The following C11orf21 variants were observed in gnomAD, a reference collection of about 807,000 sequenced individuals.
The protein encoded by C11orf21 is uncharacterized protein C11orf21.
A neutral mutation model predicts 15.2 loss-of-function variants in C11orf21; 19 were observed. The ratio of observed to expected loss-of-function variants is 1.25; its 90% confidence interval spans 0.87 to 1.84. The LOEUF (loss-of-function observed/expected upper bound fraction) is 1.84. Ranked by LOEUF, C11orf21 falls within the 40% of genes most tolerant of loss-of-function variation. The pLI is 0.00. For synonymous variants in C11orf21, 62 were observed against 66.8 expected (o/e 0.93, Z 0.35); for missense variants, 171 against 174.4 (o/e 0.98, Z 0.11).
At chr11:2,298,927 G>A (rs1302502372) in intron 3 of C11orf21, among the ~76,000 whole-genome samples, 2 of 152,184 alleles carry the variant, frequency 1.3e-5, no homozygotes, top group Non-Finnish European at 2.9e-5. Context: ...GTGCCCACTG[G>A]AGTTGGCCAG....
intron 3 of C11orf21, among the ~76,000 whole-genome samples, chr11:2,298,879 G>T (rs113602284): frequency 6.7e-6 from 1 of 149,340 alleles, no homozygotes; most frequent in Non-Finnish European, 1.5e-5. Flanking sequence ...TGAGGGCAGA[G>T]CCTAGGCTCC....
intron 1 of C11orf21, 173 bp from the exon 2 acceptor site, chr11:2,300,786 AT>A: frequency 6.5e-7 from 1 of 1,550,218 alleles, no homozygotes. Context: ...CGAACCAGAC[AT>A]AGCCAAGAGC....
At chr11:2,302,641 G>C (rs1224768026), upstream of C11orf21, 2 of 593,746 alleles carry the variant, frequency 3.4e-6, no homozygotes, top group African/African-American at 3.7e-5. Flanking sequence ...TCTACCATGT[G>C]GGGGTGCCTG....
upstream of C11orf21, chr11:2,302,744 C>T (rs1589792015): frequency 1.5e-5 from 14 of 929,546 alleles, no homozygotes; most frequent in Non-Finnish European, 2.2e-5. Context: ...TCTCACGGGA[C>T]CGGGAAGCTG....
At chr11:2,302,965 G>A, upstream of C11orf21, 2 of 1,612,234 alleles carry the variant, frequency 1.2e-6, no homozygotes, top group Non-Finnish European at 1.7e-6. Flanking sequence ...TGGGGTAAGT[G>A]AGGTCCAGGC....
chr11:2,301,948 G>A, upstream of C11orf21: 1 of 1,506,774 alleles, frequency 6.6e-7, no homozygotes, highest in Non-Finnish European at 8.9e-7. Flanking sequence ...GGTGGGGGGA[G>A]CCAACCTCAC....
chr11:2,303,001 G>A (rs375038343), upstream of C11orf21: 56 of 1,556,220 alleles, frequency 3.6e-5, no homozygotes, highest in Non-Finnish European at 4.9e-5. Flanking sequence ...GGGGCCTCGG[G>A]TGCAAGGGTG....
intron 3 of C11orf21, 133 bp downstream of exon 3, chr11:2,299,295 G>C: frequency 3.1e-6 from 3 of 970,904 alleles, no homozygotes; most frequent in Non-Finnish European, 4.4e-6. Context: ...GCCCCCACAG[G>C]TCTCTTCAAG....
Position 2,295,681 on chromosome 11 carries a change from T to C in C11orf21, c.*2269A>G, listed in dbSNP as rs1433004405. ...ACACTGTAATAGTGGAGATATGCCA[T>C]TACACATTTGCCCGAACTCACAGCA... On this transcript the variant is annotated 3_prime_UTR_variant, in exon 4 of 4. Transcript: ENST00000381153. This position sits in a 1 kb window ranked among gnomAD's most constrained non-coding sequence, Gnocchi z 5.4. 1 of 152,188 alleles carries C rather than the reference T, an allele frequency of 6.6e-6. No homozygotes were observed. Among genetic ancestry groups the C allele is most frequent in the Admixed American group, 6.5e-5 (1 of 15,282 alleles). 9.4% of individuals were successfully genotyped at this position (152,188 alleles called of 1,614,324 possible). A position where few individuals can be genotyped will look rare whatever the true frequency, so the allele number is the denominator to read the frequency against.
rs926889211 is a variant in C11orf21, at chr11:2,300,627, G to A, written c.54-14C>T. ...CTGGGCACAGCGCTGGTGTGAGAAGGAGGCCATCAGGACAGGTCAAGAACC... is the reference window on the plus strand; with the variant it reads ...CTGGGCACAGCGCTGGTGTGAGAAGAAGGCCATCAGGACAGGTCAAGAACC... On this transcript the variant is annotated splice_polypyrimidine_tract_variant and intron_variant, in intron 1 of 3. Transcript: ENST00000381153. 6.4e-7 allele frequency: 1 copy of A among 1,550,702 alleles called. No individual in the cohort carries two copies. Among genetic ancestry groups the A allele is most frequent in the Non-Finnish European group, 8.7e-7 (1 of 1,146,842 alleles).
upstream of C11orf21, chr11:2,303,019 C>G (rs7106334): frequency 1.6e-5 from 23 of 1,473,072 alleles, no homozygotes; most frequent in African/African-American, 2.8e-4. Context: ...GTGGCTGGCA[C>G]GAGCCCAGCT....
intron 1 of C11orf21, 33 bp downstream of exon 1, chr11:2,301,723 C>G: frequency 6.5e-7 from 1 of 1,527,034 alleles, no homozygotes; most frequent in Non-Finnish European, 8.8e-7. Flanking sequence ...AGGCCCAGTC[C>G]ACACTTGCTC....
In C11orf21 at chr11:2,300,598, C is replaced by T; in HGVS notation, c.69G>A (p.Trp23Ter). 1 of 1,550,290 alleles carries T rather than the reference C, an allele frequency of 6.5e-7. No individual in the cohort carries two copies. The highest frequency in any genetic ancestry group is 1.7e-4 in the Middle Eastern group (1 of 5,984). ...CGCCACTTTGAGATGACAAGTGAGG[C>T]CACCTGGGCACAGCGCTGGTGTGAG... is the stretch of plus-strand genomic sequence containing the variant. The part of the protein sequence containing the change: ...RPGRRSAVPR[W>*]PHLSSQSGVE... Residue 23 changes from tryptophan (W) to a stop codon, truncating the protein, a stop_gained, in exon 2 of 4, where the codon TGG becomes TGA. Transcript: ENST00000381153. LOFTEE classifies it high-confidence loss of function.
chr11:2,297,931 A>G lies in C11orf21; in HGVS notation c.*29-10T>C, dbSNP rs1404469052. 1.3e-5 allele frequency: 2 copies of G among 152,178 alleles called. No homozygotes were observed. The highest frequency in any genetic ancestry group is 2.9e-5 in the Non-Finnish European group (2 of 68,058). 9.4% of individuals were successfully genotyped at this position (152,178 alleles called of 1,614,324 possible). A position where few individuals can be genotyped will look rare whatever the true frequency, so the allele number is the denominator to read the frequency against. On this transcript the variant is annotated splice_polypyrimidine_tract_variant and intron_variant, in intron 3 of 3. Coordinates refer to ENST00000381153, the MANE Select transcript of C11orf21 (RefSeq NM_001329958.2). ...TCTTCATACAGCTGTCCTTCAGTGC[A>G]TGTAAGGAGAGAGAGAGAGAAGAGG...
intron 1 of C11orf21, 197 bp from the exon 2 acceptor site, chr11:2,300,810 C>G (rs1222427248): frequency 6.5e-7 from 1 of 1,543,098 alleles, no homozygotes; most frequent in East Asian, 2.4e-5. Flanking sequence ...CTCATCTTCC[C>G]TGGAGAGGAC....
At chr11:2,302,271 G>T, upstream of C11orf21, 1 of 1,339,312 alleles carries the variant, frequency 7.5e-7, no homozygotes, top group South Asian at 2.2e-5. Flanking sequence ...AGGGGTGAGG[G>T]GTGGCAGGGC....
Position 2,296,266 on chromosome 11 carries a change from C to G in C11orf21, c.*1684G>C, listed in dbSNP as rs80058569. 1,610 of 152,292 alleles carry G rather than the reference C, an allele frequency of 0.011. 19 individuals carry two copies. The highest frequency in any genetic ancestry group is 0.045 in the South Asian group (216 of 4,826). The allele number at this position is 152,292 out of a possible 1,614,324, so 9.4% of individuals were successfully genotyped here. A position where few individuals can be genotyped will look rare whatever the true frequency, so the allele number is the denominator to read the frequency against. On this transcript the variant is annotated 3_prime_UTR_variant, in exon 4 of 4. Transcript: ENST00000381153. This position sits in a 1 kb window ranked among gnomAD's most constrained non-coding sequence, Gnocchi z 5.6. Reference sequence around the variant, plus strand: ...CCTGGCCTTTCCCAGCATAGTAGCCCCCACCCTCAGGTCAGGGAACAAATG... The same window carrying G: ...CCTGGCCTTTCCCAGCATAGTAGCCGCCACCCTCAGGTCAGGGAACAAATG...
intron 3 of C11orf21, among the ~76,000 whole-genome samples, 200 bp downstream of exon 3, chr11:2,299,228 G>A (rs1211791260): frequency 6.6e-6 from 1 of 152,230 alleles, no homozygotes; most frequent in Non-Finnish European, 1.5e-5. Context: ...CTCCTGGGAC[G>A]TGGATTTCAG....
In C11orf21 at chr11:2,295,635, G is replaced by A. The variant is rs1461179104; in HGVS notation, c.*2315C>T. ...AAATGGAGCACAGACGGATTTTAGG[G>A]CAGTAAAATAATTCTGTGTGACACT... On this transcript the variant is annotated 3_prime_UTR_variant, in exon 4 of 4. Transcript: ENST00000381153. This position sits in a 1 kb window ranked among gnomAD's most constrained non-coding sequence, Gnocchi z 5.4. The A allele has an allele frequency of 2.0e-5, 3 of 152,200 alleles. No homozygotes were observed. The highest frequency in any genetic ancestry group is 2.9e-5 in the Non-Finnish European group (2 of 68,044). The allele number at this position is 152,200 out of a possible 1,614,324, so 9.4% of individuals were successfully genotyped here. A position where few individuals can be genotyped will look rare whatever the true frequency, so the allele number is the denominator to read the frequency against.
Sources: gnomAD v4.1 joint callset for allele counts (sites outside exome capture counted in the v4.1 genomes callset) on GRCh38, gnomAD v4.1.1 for gene constraint, Gnocchi (gnomAD v3.1) non-coding constraint, MANE v1.5 for transcripts, NCBI Gene and HGNC (gene_info 2026-07-23, HGNC 2026-07-21) for gene names.